Variants in SIPA1L2 observed in about 807,000 individuals in gnomAD.
SIPA1L2 encodes the protein signal-induced proliferation-associated 1-like protein 2.
In SIPA1L2, 56 loss-of-function variants were observed where a neutral mutation model predicts 163.9. The ratio of observed to expected loss-of-function variants is 0.34; its 90% confidence interval spans 0.28 to 0.43. The LOEUF is 0.43. Among genes scored for constraint, SIPA1L2 ranks in the 20% least tolerant of loss-of-function variants. The pLI is 1.00. For synonymous variants in SIPA1L2, 877 were observed against 865.7 expected (o/e 1.01, Z -0.23); for missense variants, 1,974 against 2,193.5 (o/e 0.90, Z 2.00).
At position 232,398,390 on chromosome 1, in the gene SIPA1L2, C is replaced by G. The variant is rs1212331601; in HGVS notation, c.*737G>C. 1.3e-5 allele frequency: 2 copies of G among 152,536 alleles called. No homozygotes were observed. Among genetic ancestry groups the G allele is most frequent in the Non-Finnish European group, 2.9e-5 (2 of 68,032 alleles). 9.4% of individuals were successfully genotyped at this position (152,536 alleles called of 1,614,324 possible). On this transcript the variant is annotated 3_prime_UTR_variant, in exon 23 of 23. Transcript: ENST00000674635. ...AGCAGAGCAACTATACAAAAGTGAA[C>G]TAAGAGTTGAAGTGACTACTGACCA... is the stretch of plus-strand genomic sequence containing the variant.
In SIPA1L2 at chr1:232,582,092, G is replaced by A. The variant is rs183691232; in HGVS notation, c.-318-7870C>T. ...AATAAATGGTTGGTGAAATGAATAA[G>A]CAGGCAAGCTTGTTGCATTCAAGAA... On this transcript the variant is annotated intron_variant, in intron 1 of 22. Transcript: ENST00000674635. 5.9e-4 allele frequency among the ~76,000 whole-genome samples: 90 copies of A among 152,328 alleles called. No homozygotes were observed. In the South Asian group the frequency reaches 7.9e-3, roughly 13 times the overall value.
intron 1 of SIPA1L2, among the ~76,000 whole-genome samples, chr1:232,579,877 A>C (rs551408769): frequency 2.0e-5 from 3 of 152,344 alleles, no homozygotes; most frequent in Non-Finnish European, 2.9e-5. Context: ...GGTTACAGAA[A>C]GAATGGGGGC....
intron 1 of SIPA1L2, among the ~76,000 whole-genome samples, chr1:232,623,213 A>G (rs1244499982): frequency 6.6e-6 from 1 of 152,202 alleles, no homozygotes; most frequent in East Asian, 1.9e-4. Context: ...GTTCTGGCCA[A>G]TCACATACAG....
At chr1:232,413,540 G>A (rs1457123652) in intron 19 of SIPA1L2, among the ~76,000 whole-genome samples, 1 of 152,222 alleles carries the variant, frequency 6.6e-6, no homozygotes, top group Non-Finnish European at 1.5e-5. Context: ...TCTGAAAGGT[G>A]ATCACAAAAT....
intron 15 of SIPA1L2, among the ~76,000 whole-genome samples, chr1:232,433,792 G>C (rs1430464230): frequency 6.6e-6 from 1 of 152,120 alleles, no homozygotes; most frequent in East Asian, 1.9e-4. Context: ...GTTCAGAAAG[G>C]CAGGTGGGCT....
At chr1:232,472,671 C>T (rs1169253019) in intron 7 of SIPA1L2, among the ~76,000 whole-genome samples, 2 of 152,136 alleles carry the variant, frequency 1.3e-5, no homozygotes, top group African/African-American at 2.4e-5. Flanking sequence ...GATGTCATTG[C>T]TGGAATGTGA....
chr1:232,401,904 C>T (rs1286082346), intron 22 of SIPA1L2, among the ~76,000 whole-genome samples: 3 of 152,190 alleles, frequency 2.0e-5, no homozygotes. Context: ...CAGAGCTCAG[C>T]CAAGTATTTG....
At chr1:232,405,723 T>C (rs1294413507) in intron 19 of SIPA1L2, among the ~76,000 whole-genome samples, 1 of 152,218 alleles carries the variant, frequency 6.6e-6, no homozygotes, top group African/African-American at 2.4e-5. Flanking sequence ...GGATAAAAAT[T>C]TGTCTAACTC....
At chr1:232,505,949 A>T (rs888368748) in intron 3 of SIPA1L2, among the ~76,000 whole-genome samples, 1 of 152,176 alleles carries the variant, frequency 6.6e-6, no homozygotes, top group Non-Finnish European at 1.5e-5. Flanking sequence ...CAGAAGGAAA[A>T]AACAGCTACC....
At chr1:232,543,765 AG>A (rs1657839065) in intron 2 of SIPA1L2, among the ~76,000 whole-genome samples, 1 of 152,188 alleles carries the variant, frequency 6.6e-6, no homozygotes, top group East Asian at 1.9e-4. Context: ...GCTACTTGGG[AG>A]GCTGAGGTGA....
intron 1 of SIPA1L2, among the ~76,000 whole-genome samples, chr1:232,606,392 C>T (rs960839144): frequency 1.3e-5 from 2 of 151,974 alleles, no homozygotes; most frequent in Non-Finnish European, 2.9e-5. Flanking sequence ...AATTATACTG[C>T]TAAAAAGACA....
At chr1:232,458,834 G>C (rs966918084) in intron 10 of SIPA1L2, among the ~76,000 whole-genome samples, 1 of 152,070 alleles carries the variant, frequency 6.6e-6, no homozygotes, top group African/African-American at 2.4e-5. Context: ...TTATTTCCAA[G>C]ACTCATTTTT....
intron 6 of SIPA1L2, among the ~76,000 whole-genome samples, chr1:232,481,468 CG>C (rs35228889): frequency 0.24 from 36,655 of 151,782 alleles, 4,612 homozygotes; most frequent in Admixed American, 0.34. Context: ...AGATGCATTG[CG>C]GGGGGGAAAA....
chr1:232,403,357 G>A (rs181490868), intron 21 of SIPA1L2, 91 bp downstream of exon 21: 51 of 1,503,284 alleles, frequency 3.4e-5, no homozygotes, highest in African/African-American at 1.9e-4. Context: ...CAATATGGTC[G>A]CCCGCCTGGC....
At chr1:232,552,823 C>T (rs1658472957) in intron 2 of SIPA1L2, among the ~76,000 whole-genome samples, 1 of 152,224 alleles carries the variant, frequency 6.6e-6, no homozygotes, top group South Asian at 2.1e-4. Flanking sequence ...CAGAAGACTT[C>T]CCTGACCCCC....
intron 2 of SIPA1L2, among the ~76,000 whole-genome samples, chr1:232,532,944 A>T (rs774019102): frequency 1.3e-5 from 2 of 152,130 alleles, no homozygotes; most frequent in African/African-American, 4.8e-5. Flanking sequence ...GTCAAGACAA[A>T]ACCTGCCTTC....
At chr1:232,535,019 C>T (rs1307637375) in intron 2 of SIPA1L2, among the ~76,000 whole-genome samples, 5 of 152,134 alleles carry the variant, frequency 3.3e-5, no homozygotes, top group Admixed American at 6.5e-5. Context: ...AAATGTAATA[C>T]GCTATGACAG....
At chr1:232,586,855 G>C (rs1172122239) in intron 1 of SIPA1L2, among the ~76,000 whole-genome samples, 1 of 152,210 alleles carries the variant, frequency 6.6e-6, no homozygotes, top group Non-Finnish European at 1.5e-5. Context: ...TTCATACTGG[G>C]CACATTCCCA....
chr1:232,603,017 G>C (rs1428724740), intron 1 of SIPA1L2, among the ~76,000 whole-genome samples: 1 of 152,154 alleles, frequency 6.6e-6, no homozygotes, highest in Admixed American at 6.5e-5. Flanking sequence ...CAGGAGCAGG[G>C]GGGATAAAAA....
Sources: gnomAD v4.1 joint callset for allele counts (sites outside exome capture counted in the v4.1 genomes callset) on GRCh38, gnomAD v4.1.1 for gene constraint, MANE v1.5 for transcripts, NCBI Gene and HGNC (gene_info 2026-07-23, HGNC 2026-07-21) for gene names.